The following PPM1H variants were observed in gnomAD, a reference collection of about 807,000 sequenced individuals.
The protein encoded by PPM1H is protein phosphatase, Mg2+/Mn2+ dependent 1H.
In PPM1H, 27 loss-of-function variants were observed where a neutral mutation model predicts 54.9. The observed-to-expected ratio is 0.49, with a 90% CI of 0.36 to 0.68. The LOEUF (loss-of-function observed/expected upper bound fraction) is 0.68. Ranked by LOEUF, PPM1H falls within the 30% of genes least tolerant of loss-of-function variation. PPM1H has a pLI of 0.00. For synonymous variants in PPM1H, 305 were observed against 270.8 expected, an observed-to-expected ratio of 1.13 and a Z score of -1.24; for missense variants, 596 against 667.8, an observed-to-expected ratio of 0.89 and a Z score of 1.19.
chr12:62,857,937 A>C (rs1438255482), intron 1 of PPM1H, among the ~76,000 whole-genome samples: 1 of 152,124 alleles, frequency 6.6e-6, no homozygotes, highest in Non-Finnish European at 1.5e-5. Context: ...TTATATGATA[A>C]TTACTTAATG....
At chr12:62,754,791 T>C (rs1281537241) in intron 4 of PPM1H, among the ~76,000 whole-genome samples, 1 of 152,168 alleles carries the variant, frequency 6.6e-6, no homozygotes, top group Non-Finnish European at 1.5e-5. Context: ...TGGTTGACAG[T>C]GAAGAGGAAG....
rs767980740 is a variant in PPM1H, at chr12:62,934,680, G to C, written c.57C>G (p.Gly19=). The change falls in exon 1 of 10, where the codon GGC becomes GGG. Residue 19 remains glycine (G), a synonymous_variant. Coordinates refer to ENST00000228705, the MANE Select transcript of PPM1H (RefSeq NM_020700.2). This position sits in a 1 kb window ranked among gnomAD's most constrained non-coding sequence, Gnocchi z 4.2. ...VANFMGGIMA[G]SSGSEHGGGS... ...CGCCGCCGTGCTCGGAGCCTGAGCTGCCAGCCATGATGCCGCCCATGAAAT... is the reference window on the plus strand; with the variant it reads ...CGCCGCCGTGCTCGGAGCCTGAGCTCCCAGCCATGATGCCGCCCATGAAAT... 1.2e-6 allele frequency: 2 copies of C among 1,607,304 alleles called. No homozygotes were observed. The highest frequency in any genetic ancestry group is 1.7e-6 in the Non-Finnish European group (2 of 1,177,526).
intron 1 of PPM1H, among the ~76,000 whole-genome samples, chr12:62,880,602 T>C (rs1387772528): frequency 6.6e-6 from 1 of 152,198 alleles, no homozygotes; most frequent in African/African-American, 2.4e-5. Context: ...CCTTGTGTCT[T>C]CCTCTGACTG....
At position 62,652,537 on chromosome 12, in the gene PPM1H, T is replaced by C. The variant is rs556202154; in HGVS notation, c.1398-3901A>G. Among the ~76,000 whole-genome samples, 3 of 152,346 alleles carry C rather than the reference T, an allele frequency of 2.0e-5. No homozygotes were observed. In the East Asian group the frequency reaches 5.8e-4, roughly 29 times the overall value. ...ATATACACACACATATGAAAACTTA[T>C]TTTGTGTTTTTAATTTATTATGTGC... On this transcript the variant is annotated intron_variant, in intron 9 of 9. Coordinates refer to ENST00000228705, the MANE Select transcript of PPM1H (RefSeq NM_020700.2).
At chr12:62,817,439 A>G (rs547945402) in intron 2 of PPM1H, among the ~76,000 whole-genome samples, 1 of 151,724 alleles carries the variant, frequency 6.6e-6, no homozygotes, top group Non-Finnish European at 1.5e-5. Context: ...TCCAGTCTGG[A>G]CAACAGAGAG....
intron 4 of PPM1H, among the ~76,000 whole-genome samples, 190 bp downstream of exon 4, chr12:62,788,036 T>C (rs915315664): frequency 1.3e-5 from 2 of 152,242 alleles, no homozygotes; most frequent in Non-Finnish European, 2.9e-5. Context: ...GACGTGTACA[T>C]GAAATGCTAT....
Position 62,776,180 on chromosome 12 carries a change from A to G in PPM1H, c.869+12046T>C, listed in dbSNP as rs916747877. On this transcript the variant is annotated intron_variant, in intron 4 of 9. Coordinates refer to ENST00000228705, the MANE Select transcript of PPM1H (RefSeq NM_020700.2). ...TATGTTATAGGAACTACAATTCAAG[A>G]TGAGATTTGGGTGGGGACACAGCCA... 2.0e-5 allele frequency among the ~76,000 whole-genome samples: 3 copies of G among 152,238 alleles called. No homozygotes were observed. The East Asian group carries it at 5.8e-4, about 29-fold the overall frequency.
chr12:62,712,074 A>G (rs373860594), intron 6 of PPM1H, among the ~76,000 whole-genome samples: 1 of 152,272 alleles, frequency 6.6e-6, no homozygotes, highest in African/African-American at 2.4e-5. Flanking sequence ...GCAAATAACC[A>G]TTCATCATCT....
chr12:62,760,939 CT>C (rs2076505080), intron 4 of PPM1H, among the ~76,000 whole-genome samples: 1 of 152,212 alleles, frequency 6.6e-6, no homozygotes, highest in South Asian at 2.1e-4. Context: ...TACTTGTGAC[CT>C]TCTGTCCCTA....
intron 1 of PPM1H, among the ~76,000 whole-genome samples, chr12:62,890,978 G>A (rs1182192134): frequency 2.0e-5 from 3 of 151,568 alleles, no homozygotes; most frequent in Non-Finnish European, 4.4e-5. Flanking sequence ...GCGTGGTGGT[G>A]GGCGCCTGTA....
At chr12:62,835,298 T>A (rs1410794806) in intron 1 of PPM1H, among the ~76,000 whole-genome samples, 1 of 152,136 alleles carries the variant, frequency 6.6e-6, no homozygotes, top group East Asian at 1.9e-4. Context: ...CAGCAAGAGG[T>A]CTTAGAAACT....
At chr12:62,664,910 C>A (rs2136609771) in intron 9 of PPM1H, among the ~76,000 whole-genome samples, 1 of 150,302 alleles carries the variant, frequency 6.7e-6, no homozygotes, top group Non-Finnish European at 1.5e-5. Context: ...TTTTTCTTAG[C>A]CAGCTGAAGA....
At chr12:62,904,044 G>A (rs921246394) in intron 1 of PPM1H, among the ~76,000 whole-genome samples, 1 of 152,062 alleles carries the variant, frequency 6.6e-6, no homozygotes, top group Non-Finnish European at 1.5e-5. Flanking sequence ...ATACGAAGTC[G>A]AAATGGTTAA....
At chr12:62,703,138 C>G (rs539878155) in intron 6 of PPM1H, among the ~76,000 whole-genome samples, 1 of 152,160 alleles carries the variant, frequency 6.6e-6, no homozygotes, top group Non-Finnish European at 1.5e-5. Flanking sequence ...AACAGGCAAC[C>G]GTAAGCAGGA....
chr12:62,834,510 T>C (rs568992912), intron 1 of PPM1H, among the ~76,000 whole-genome samples: 3 of 152,292 alleles, frequency 2.0e-5, no homozygotes, highest in African/African-American at 7.2e-5. Context: ...GACATCAGTC[T>C]GTGACAGGTT....
chr12:62,881,837 C>T (rs1036592493), intron 1 of PPM1H, among the ~76,000 whole-genome samples: 2 of 152,174 alleles, frequency 1.3e-5, no homozygotes, highest in Non-Finnish European at 2.9e-5. Context: ...GCAAAACCCA[C>T]CTACACTGGT....
intron 1 of PPM1H, among the ~76,000 whole-genome samples, chr12:62,914,542 G>A (rs1465187148): frequency 6.6e-6 from 1 of 152,218 alleles, no homozygotes; most frequent in Admixed American, 6.5e-5. Context: ...ACATCTGTGG[G>A]AGAGGGAAGG....
chr12:62,909,745 G>T (rs1871400585), intron 1 of PPM1H, among the ~76,000 whole-genome samples: 1 of 152,132 alleles, frequency 6.6e-6, no homozygotes, highest in African/African-American at 2.4e-5. Context: ...CAAATTATCT[G>T]CTTCACCCAC....
At chr12:62,874,554 C>T (rs116570785) in intron 1 of PPM1H, among the ~76,000 whole-genome samples, 1 of 151,848 alleles carries the variant, frequency 6.6e-6, no homozygotes, top group African/African-American at 2.4e-5. Flanking sequence ...ATAGAGAAGG[C>T]ACTCCCCAAA....
Sources: gnomAD v4.1 joint callset for allele counts (sites outside exome capture counted in the v4.1 genomes callset) on GRCh38, gnomAD v4.1.1 for gene constraint, Gnocchi (gnomAD v3.1) non-coding constraint, MANE v1.5 for transcripts, NCBI Gene and HGNC (gene_info 2026-07-23, HGNC 2026-07-21) for gene names.